Variants in IGF2BP3 observed in about 807,000 individuals in gnomAD.
IGF2BP3 encodes insulin-like growth factor 2 mRNA-binding protein 3.
Under a neutral mutation model 73.8 loss-of-function variants are expected in IGF2BP3, and 9 were observed. The ratio of observed to expected loss-of-function variants is 0.12; its 90% CI spans 0.07 to 0.21. The LOEUF is 0.21. Ranked by LOEUF, IGF2BP3 falls within the 10% of genes least tolerant of loss-of-function variation. IGF2BP3 has a pLI of 1.00. For missense variants in IGF2BP3, 542 were observed against 714.0 expected (o/e 0.76, Z 2.75); for synonymous variants, 258 against 256.7 (o/e 1.01, Z -0.05).
chr7:23,465,266 A>C (rs1379795337), intron 2 of IGF2BP3, among the ~76,000 whole-genome samples: 1 of 152,216 alleles, frequency 6.6e-6, no homozygotes, highest in Non-Finnish European at 1.5e-5. Flanking sequence ...TATACTTCGG[A>C]GTCAAAGTCT....
rs1491292512 is a variant in IGF2BP3 at position 23,390,798 on chromosome 7, G to GT, written c.285+27977_285+27978insA. On this transcript the variant is annotated intron_variant, in intron 3 of 14. Transcript: ENST00000258729. The stretch of plus-strand genomic sequence containing the variant: ...TTTTTGTCACCTTGGATTTATTGTT[G>GT]CCTTTTTTTTTTTTTTTTGAGACAG... Among the ~76,000 whole-genome samples the GT allele has an allele frequency of 5.1e-4, 73 of 143,696 alleles. 2 individuals are homozygous for GT. Among genetic ancestry groups the GT allele is most frequent in the Admixed American group, 1.9e-3 (27 of 14,016 alleles). 94.3% of individuals were successfully genotyped at this position (143,696 alleles called of 152,430 possible).
At chr7:23,449,597 C>T (rs1261549892) in intron 2 of IGF2BP3, among the ~76,000 whole-genome samples, 1 of 142,784 alleles carries the variant, frequency 7.0e-6, no homozygotes, top group Non-Finnish European at 1.5e-5. Flanking sequence ...CACTCTGTCG[C>T]CCTGGCTGGA....
intron 3 of IGF2BP3, among the ~76,000 whole-genome samples, chr7:23,375,305 A>C (rs929104127): frequency 8.5e-5 from 13 of 152,104 alleles, no homozygotes; most frequent in Admixed American, 5.2e-4. Flanking sequence ...TGGAACTGCC[A>C]CATGGAATTC....
At chr7:23,402,951 TA>T (rs1786713109) in intron 3 of IGF2BP3, among the ~76,000 whole-genome samples, 1 of 152,198 alleles carries the variant, frequency 6.6e-6, no homozygotes, top group Non-Finnish European at 1.5e-5. Context: ...AGTCTTTTAC[TA>T]ATATTTGATA....
intron 3 of IGF2BP3, among the ~76,000 whole-genome samples, chr7:23,368,789 C>T (rs1172451542): frequency 6.6e-6 from 1 of 151,644 alleles, no homozygotes; most frequent in Non-Finnish European, 1.5e-5. Flanking sequence ...CCCAGCTACT[C>T]GGGACGCTGA....
intron 2 of IGF2BP3, among the ~76,000 whole-genome samples, chr7:23,445,800 A>G (rs1475285010): frequency 6.6e-6 from 1 of 152,218 alleles, no homozygotes; most frequent in African/African-American, 2.4e-5. Context: ...ACAACATACA[A>G]TAGTTATGTT....
At chr7:23,317,239 T>C (rs1784016949) in intron 12 of IGF2BP3, among the ~76,000 whole-genome samples, 1 of 152,162 alleles carries the variant, frequency 6.6e-6, no homozygotes, top group Non-Finnish European at 1.5e-5. Flanking sequence ...GGGCAGGGTC[T>C]AACAGAGATA....
At chr7:23,329,134 A>G (rs1473373629) in intron 10 of IGF2BP3, among the ~76,000 whole-genome samples, 1 of 151,386 alleles carries the variant, frequency 6.6e-6, no homozygotes, top group African/African-American at 2.4e-5. Context: ...AATGGCATGA[A>G]CCCGGAAGGT....
At chr7:23,399,511 T>C (rs896753958) in intron 3 of IGF2BP3, among the ~76,000 whole-genome samples, 2 of 151,926 alleles carry the variant, frequency 1.3e-5, no homozygotes, top group African/African-American at 4.8e-5. Context: ...CTAAGACTTC[T>C]AGAGGGAGCC....
chr7:23,333,331 C>T (rs917335838), intron 10 of IGF2BP3, among the ~76,000 whole-genome samples: 22 of 152,138 alleles, frequency 1.4e-4, no homozygotes, highest in African/African-American at 5.1e-4. Context: ...AGAGCAATTC[C>T]TAAATATCCC....
At chr7:23,353,879 TA>T in intron 5 of IGF2BP3, among the ~76,000 whole-genome samples, 1 of 152,382 alleles carries the variant, frequency 6.6e-6, no homozygotes, top group Admixed American at 6.5e-5. Flanking sequence ...ATATTTTGGT[TA>T]TTTCTAAAGG....
At position 23,446,261 on chromosome 7, in the gene IGF2BP3, A is replaced by G. The variant is rs373931034; in HGVS notation, c.236+22221T>C. ...ATTGGGGAAAGTAAAGTTTATTCCA[A>G]ATAATAAATGTAGATGCCCAGTGTG... On this transcript the variant is annotated intron_variant, in intron 2 of 14. Coordinates refer to ENST00000258729, the MANE Select transcript of IGF2BP3 (RefSeq NM_006547.3). Among the ~76,000 whole-genome samples the G allele has an allele frequency of 2.4e-4, 36 of 152,352 alleles. No individual in the cohort carries two copies. The East Asian group carries it at 5.6e-3, about 24-fold the overall frequency.
chr7:23,384,717 C>T (rs1349324697), intron 3 of IGF2BP3, among the ~76,000 whole-genome samples: 5 of 151,994 alleles, frequency 3.3e-5, no homozygotes. Flanking sequence ...ATGGCAAAAC[C>T]CCGTCTCTAC....
intron 3 of IGF2BP3, among the ~76,000 whole-genome samples, chr7:23,400,539 T>G (rs1485436994): frequency 6.6e-6 from 1 of 152,020 alleles, no homozygotes; most frequent in Non-Finnish European, 1.5e-5. Context: ...TGACCCAGCC[T>G]CAGAAAGCAA....
intron 3 of IGF2BP3, among the ~76,000 whole-genome samples, chr7:23,367,654 G>A (rs765273602): frequency 1.3e-5 from 2 of 151,854 alleles, no homozygotes; most frequent in African/African-American, 4.8e-5. Context: ...GAATTCCCCC[G>A]TTATGTATTT....
rs549095961 is a variant in IGF2BP3 at position 23,442,555 on chromosome 7, G to A, written c.237-23731C>T. The stretch of plus-strand genomic sequence containing the variant: ...TGGGATTACAGGCACCCACTACCAC[G>A]CCCAGCTAATTTTTGTATTTTCAGT... On this transcript the variant is annotated intron_variant, in intron 2 of 14. Coordinates refer to ENST00000258729, the MANE Select transcript of IGF2BP3 (RefSeq NM_006547.3). Among the ~76,000 whole-genome samples the A allele has an allele frequency of 4.1e-4, 62 of 151,872 alleles. 2 individuals carry two copies. The highest frequency in any genetic ancestry group is 3.9e-3 in the Admixed American group (59 of 15,246).
intron 5 of IGF2BP3, among the ~76,000 whole-genome samples, chr7:23,353,555 C>G (rs373064324): frequency 2.6e-5 from 4 of 152,226 alleles, no homozygotes; most frequent in African/African-American, 9.6e-5. Flanking sequence ...CTGCTCACTG[C>G]AGTACTTCTA....
intron 10 of IGF2BP3, among the ~76,000 whole-genome samples, chr7:23,341,514 A>G (rs1479918835): frequency 6.6e-6 from 1 of 152,168 alleles, no homozygotes; most frequent in Non-Finnish European, 1.5e-5. Context: ...AAAAATACAA[A>G]AAAAGTAGCC....
At chr7:23,413,500 C>T (rs1370198051) in intron 3 of IGF2BP3, 1 of 152,066 alleles carries the variant, frequency 6.6e-6, no homozygotes, top group Admixed American at 6.5e-5. Context: ...AAAACAACAA[C>T]AAAAAGACAT....
Sources: gnomAD v4.1 joint callset for allele counts (sites outside exome capture counted in the v4.1 genomes callset) on GRCh38, gnomAD v4.1.1 for gene constraint, MANE v1.5 for transcripts, NCBI Gene and HGNC (gene_info 2026-07-23, HGNC 2026-07-21) for gene names.